The following FSTL5 variants were observed in gnomAD, a reference collection of about 807,000 sequenced individuals.
FSTL5 encodes follistatin like 5.
FSTL5 carries 62 observed loss-of-function variants against 89.1 expected under a neutral mutation model. The ratio of observed to expected loss-of-function variants is 0.70; its 90% CI spans 0.57 to 0.86. FSTL5 has a LOEUF of 0.86. Ranked by LOEUF, FSTL5 falls within the 40% of genes least tolerant of loss-of-function variation. The pLI is 0.00. For synonymous variants in FSTL5, 383 were observed against 346.2 expected (o/e 1.11, Z -1.18); for missense variants, 1,057 against 1,001.6 (o/e 1.06, Z -0.75).
intron 6 of FSTL5, among the ~76,000 whole-genome samples, chr4:161,713,739 T>G (rs1422007973): frequency 6.7e-6 from 1 of 150,054 alleles, no homozygotes; most frequent in Non-Finnish European, 1.5e-5. Flanking sequence ...TTATAATTAA[T>G]TTTTTTCTTA....
At chr4:162,018,216 G>C (rs900037479) in intron 3 of FSTL5, among the ~76,000 whole-genome samples, 7 of 152,162 alleles carry the variant, frequency 4.6e-5, no homozygotes, top group African/African-American at 1.7e-4. Context: ...TAAGAGAAGA[G>C]AAGTAGGGCA....
At chr4:162,090,061 C>A (rs62331270) in intron 2 of FSTL5, among the ~76,000 whole-genome samples, 65,132 of 151,994 alleles carry the variant, frequency 0.43, 14,710 homozygotes, top group Middle Eastern at 0.56. Context: ...TAAATCTGGA[C>A]CCCTTCCTTA....
chr4:161,737,280 G>C (rs1044609694), intron 6 of FSTL5, among the ~76,000 whole-genome samples: 1 of 151,998 alleles, frequency 6.6e-6, no homozygotes, highest in Non-Finnish European at 1.5e-5. Context: ...AAAATGGAGA[G>C]GAAAGGGAAA....
chr4:161,720,419 G>A (rs1252334176), intron 6 of FSTL5, among the ~76,000 whole-genome samples: 1 of 152,096 alleles, frequency 6.6e-6, no homozygotes, highest in Non-Finnish European at 1.5e-5. Context: ...TGATGGGAAT[G>A]TAAATCGGTG....
chr4:162,014,899 GT>G (rs1736873055), intron 3 of FSTL5, among the ~76,000 whole-genome samples: 1 of 152,050 alleles, frequency 6.6e-6, no homozygotes, highest in Non-Finnish European at 1.5e-5. Context: ...AATAAGATAA[GT>G]TCTTTTCCAT....
intron 4 of FSTL5, among the ~76,000 whole-genome samples, chr4:161,852,052 T>C (rs79081741): frequency 0.045 from 6,800 of 152,172 alleles, 201 homozygotes; most frequent in Non-Finnish European, 0.069. Context: ...ACTTTATTTA[T>C]GCCATCTTCC....
chr4:161,755,673 T>G (rs1295681378), intron 6 of FSTL5, among the ~76,000 whole-genome samples: 1 of 152,068 alleles, frequency 6.6e-6, no homozygotes, highest in African/African-American at 2.4e-5. Context: ...TCTTAATACA[T>G]CTGTCATTTT....
At chr4:161,679,789 T>C (rs2126707235) in intron 6 of FSTL5, among the ~76,000 whole-genome samples, 1 of 151,960 alleles carries the variant, frequency 6.6e-6, no homozygotes, top group South Asian at 2.1e-4. Flanking sequence ...TCACATACTA[T>C]GTGCTAGGTA....
At chr4:161,493,110 T>C (rs1030623085) in intron 12 of FSTL5, among the ~76,000 whole-genome samples, 1 of 151,880 alleles carries the variant, frequency 6.6e-6, no homozygotes, top group Non-Finnish European at 1.5e-5. Context: ...ATTAAGCCAG[T>C]GTTCAGAAAC....
chr4:161,717,005 A>G (rs904440953), intron 6 of FSTL5, among the ~76,000 whole-genome samples: 3 of 152,204 alleles, frequency 2.0e-5, no homozygotes, highest in Non-Finnish European at 4.4e-5. Flanking sequence ...AAAAACTCCT[A>G]GGTTAGATAT....
intron 3 of FSTL5, among the ~76,000 whole-genome samples, chr4:161,997,735 G>T (rs967194403): frequency 1.3e-5 from 2 of 151,272 alleles, no homozygotes; most frequent in Non-Finnish European, 2.9e-5. Flanking sequence ...CTCCAGAGTA[G>T]CTGGGACTAA....
intron 7 of FSTL5, among the ~76,000 whole-genome samples, chr4:161,623,988 C>T (rs1735226414): frequency 6.6e-6 from 1 of 151,698 alleles, no homozygotes; most frequent in Non-Finnish European, 1.5e-5. Flanking sequence ...TTTAGAACAC[C>T]ATATTAATGA....
At chr4:161,731,637 G>A (rs968631817) in intron 6 of FSTL5, among the ~76,000 whole-genome samples, 7 of 151,898 alleles carry the variant, frequency 4.6e-5, no homozygotes, top group Non-Finnish European at 8.8e-5. Context: ...AAATGACCCA[G>A]TCTCAGGTAG....
intron 2 of FSTL5, among the ~76,000 whole-genome samples, chr4:162,087,346 T>A (rs564519947): frequency 6.6e-6 from 1 of 152,200 alleles, no homozygotes; most frequent in African/African-American, 2.4e-5. Flanking sequence ...TGCATCAAAC[T>A]GTAAAGCACA....
At chr4:162,079,595 G>T (rs972427022) in intron 2 of FSTL5, among the ~76,000 whole-genome samples, 1 of 151,370 alleles carries the variant, frequency 6.6e-6, no homozygotes, top group Non-Finnish European at 1.5e-5. Context: ...ATTTGATTAT[G>T]GTAAAAATCC....
intron 3 of FSTL5, among the ~76,000 whole-genome samples, chr4:161,987,497 TA>T (rs977062134): frequency 2.4e-5 from 3 of 124,784 alleles, no homozygotes; most frequent in African/African-American, 8.4e-5. Context: ...CATACATATA[TA>T]AAAAATAAAT....
At chr4:161,993,854 A>G (rs960882011) in intron 3 of FSTL5, among the ~76,000 whole-genome samples, 11 of 152,100 alleles carry the variant, frequency 7.2e-5, no homozygotes, top group African/African-American at 2.2e-4. Context: ...TATATGATTG[A>G]CTAAAAATAT....
At chr4:161,526,275 C>A (rs1384444288) in intron 10 of FSTL5, among the ~76,000 whole-genome samples, 1 of 151,918 alleles carries the variant, frequency 6.6e-6, no homozygotes, top group Non-Finnish European at 1.5e-5. Flanking sequence ...CACAATTTGA[C>A]CTATTAGGGC....
chr4:162,059,216 G>A (rs979581874), intron 2 of FSTL5, among the ~76,000 whole-genome samples: 1 of 152,138 alleles, frequency 6.6e-6, no homozygotes, highest in African/African-American at 2.4e-5. Context: ...TTAAGTGGCT[G>A]ATATTTTTGA....
Sources: allele counts gnomAD v4.1 joint callset (sites outside exome capture counted in the v4.1 genomes callset), GRCh38; gene constraint gnomAD v4.1.1; transcripts MANE v1.5; gene names NCBI Gene and HGNC (gene_info 2026-07-23, HGNC 2026-07-21).